RNF180: variants seen among roughly 807,000 people sequenced by gnomAD.
RNF180 encodes ring finger protein 180, also known as E3 ubiquitin-protein ligase RNF180.
In RNF180, 38 loss-of-function variants were observed where a neutral mutation model predicts 59.2. The observed-to-expected ratio is 0.64, with a 90% CI of 0.50 to 0.84. RNF180 has a LOEUF of 0.84. Ranked by LOEUF, RNF180 falls within the 40% of genes least tolerant of loss-of-function variation. The pLI is 0.00. For missense variants in RNF180, 705 were observed against 700.9 expected (o/e 1.01, Z -0.07); for synonymous variants, 262 against 240.3 (o/e 1.09, Z -0.84).
At chr5:64,198,818 A>G (rs941810954) in intron 1 of RNF180, among the ~76,000 whole-genome samples, 1 of 146,778 alleles carries the variant, frequency 6.8e-6, no homozygotes, top group African/African-American at 2.5e-5. Context: ...AAATTAAACA[A>G]TTTTTTTTTT....
At chr5:64,352,603 C>A (rs1243944381) in intron 7 of RNF180, among the ~76,000 whole-genome samples, 1 of 152,002 alleles carries the variant, frequency 6.6e-6, no homozygotes, top group East Asian at 1.9e-4. Context: ...TATGTTGTGT[C>A]TTTGTTCTTA....
intron 5 of RNF180, among the ~76,000 whole-genome samples, chr5:64,306,372 C>T (rs1210249870): frequency 1.3e-5 from 2 of 151,500 alleles, no homozygotes; most frequent in Non-Finnish European, 3.0e-5. Flanking sequence ...ACAAAAACAA[C>T]ATTAATTTAG....
chr5:64,218,850 C>CA (rs1245049290), intron 5 of RNF180, among the ~76,000 whole-genome samples: 1 of 152,090 alleles, frequency 6.6e-6, no homozygotes, highest in Non-Finnish European at 1.5e-5. Flanking sequence ...TTTTTTGACT[C>CA]ACAATTATAT....
At chr5:64,180,408 A>G (rs1750507577) in intron 1 of RNF180, among the ~76,000 whole-genome samples, 1 of 152,184 alleles carries the variant, frequency 6.6e-6, no homozygotes. Flanking sequence ...AATTTGTGTA[A>G]AATTATGAAT....
At chr5:64,174,577 A>G (rs1320737345) in intron 1 of RNF180, among the ~76,000 whole-genome samples, 2 of 152,084 alleles carry the variant, frequency 1.3e-5, no homozygotes, top group Non-Finnish European at 2.9e-5. Flanking sequence ...ATCGTTGAGC[A>G]TTTTATCATA....
Position 64,186,000 on chromosome 5 carries a change from G to A in RNF180, c.1-14808G>A, listed in dbSNP as rs540221769. Among the ~76,000 whole-genome samples, 103 of 152,294 alleles carry A rather than the reference G, an allele frequency of 6.8e-4. 1 individual carries two copies. The highest frequency in any genetic ancestry group is 2.5e-3 in the African/African-American group (102 of 41,562). ...TAAGTAAACAAGCCCAAGTCTCTCG[G>A]CTTCCCAGGCAGTGCTTTATTGGCC... On this transcript the variant is annotated intron_variant, in intron 1 of 7. Coordinates refer to ENST00000389100, the MANE Select transcript of RNF180 (RefSeq NM_001113561.2).
intron 7 of RNF180, among the ~76,000 whole-genome samples, chr5:64,348,823 C>T (rs1361170215): frequency 6.6e-6 from 1 of 151,826 alleles, no homozygotes; most frequent in African/African-American, 2.4e-5. Context: ...AACTGATTAC[C>T]AAATGATATA....
chr5:64,271,237 T>A (rs763748332), intron 5 of RNF180, among the ~76,000 whole-genome samples: 1 of 152,112 alleles, frequency 6.6e-6, no homozygotes, highest in African/African-American at 2.4e-5. Flanking sequence ...TATGAATACC[T>A]ACTGTTAGTA....
At chr5:64,235,673 C>G (rs1742392221) in intron 5 of RNF180, among the ~76,000 whole-genome samples, 2 of 151,884 alleles carry the variant, frequency 1.3e-5, no homozygotes. Flanking sequence ...AAATTGTAAT[C>G]CCCACGTGGG....
intron 5 of RNF180, among the ~76,000 whole-genome samples, chr5:64,238,097 G>C (rs887391909): frequency 6.6e-6 from 1 of 152,194 alleles, no homozygotes; most frequent in African/African-American, 2.4e-5. Flanking sequence ...TACAGTATAT[G>C]ACTTTCCATG....
At chr5:64,353,302 A>G (rs963429192) in intron 7 of RNF180, among the ~76,000 whole-genome samples, 2 of 151,794 alleles carry the variant, frequency 1.3e-5, no homozygotes, top group African/African-American at 4.8e-5. Flanking sequence ...TAAAATGACT[A>G]TTAGAAAATG....
chr5:64,255,123 A>G (rs1367235740), intron 5 of RNF180, among the ~76,000 whole-genome samples: 1 of 152,142 alleles, frequency 6.6e-6, no homozygotes, highest in African/African-American at 2.4e-5. Context: ...TTATTAAACC[A>G]TTATCTAAAA....
rs539487911 is a variant in RNF180, at chr5:64,350,679, G to T, written c.1580-18936G>T. Among the ~76,000 whole-genome samples the T allele has an allele frequency of 6.2e-4, 94 of 151,890 alleles. 1 individual carries two copies. In the East Asian group the frequency reaches 0.016, roughly 26 times the overall value. ...ATTAAATAGGGAATCCTTTCCCCATGTCTTGTTTTTGTCAGGTTTGTCAAA... is the reference window on the plus strand; with the variant it reads ...ATTAAATAGGGAATCCTTTCCCCATTTCTTGTTTTTGTCAGGTTTGTCAAA... On this transcript the variant is annotated intron_variant, in intron 7 of 7. Transcript: ENST00000389100.
intron 5 of RNF180, among the ~76,000 whole-genome samples, chr5:64,231,355 C>G (rs368954917): frequency 6.6e-6 from 1 of 152,144 alleles, no homozygotes; most frequent in Non-Finnish European, 1.5e-5. Flanking sequence ...TTTGGGATGC[C>G]TGTGTGTGTG....
At chr5:64,366,835 CT>C (rs1391556682) in intron 7 of RNF180, among the ~76,000 whole-genome samples, 1 of 151,486 alleles carries the variant, frequency 6.6e-6, no homozygotes, top group African/African-American at 2.4e-5. Context: ...TAGATGAGAA[CT>C]TTGCAAGGCT....
At chr5:64,256,557 C>T (rs1580124320) in intron 5 of RNF180, among the ~76,000 whole-genome samples, 1 of 152,128 alleles carries the variant, frequency 6.6e-6, no homozygotes, top group Non-Finnish European at 1.5e-5. Flanking sequence ...TTCCATTGGT[C>T]TATATCTCTG....
chr5:64,243,671 G>A (rs1742966366), intron 5 of RNF180, among the ~76,000 whole-genome samples: 1 of 152,226 alleles, frequency 6.6e-6, no homozygotes. Context: ...AGCTTCAGCA[G>A]ACTGAAACGT....
intron 6 of RNF180, among the ~76,000 whole-genome samples, chr5:64,328,063 A>C (rs1481817903): frequency 1.3e-5 from 2 of 152,182 alleles, no homozygotes; most frequent in African/African-American, 4.8e-5. Context: ...AGGGAAGGGA[A>C]GGAATAATAA....
At chr5:64,359,466 A>G (rs1181060589) in intron 7 of RNF180, among the ~76,000 whole-genome samples, 1 of 151,966 alleles carries the variant, frequency 6.6e-6, no homozygotes. Flanking sequence ...TCCTTCGCCC[A>G]CTTTTTGATG....
Sources: allele counts gnomAD v4.1 joint callset (sites outside exome capture counted in the v4.1 genomes callset), GRCh38; gene constraint gnomAD v4.1.1; transcripts MANE v1.5; gene names NCBI Gene and HGNC (gene_info 2026-07-23, HGNC 2026-07-21).